CSMD1: variants seen among roughly 807,000 people sequenced by gnomAD.
The protein encoded by CSMD1 is CUB and Sushi multiple domains 1.
CSMD1 carries 213 observed loss-of-function variants against 417.5 expected under a neutral mutation model. The observed-to-expected ratio is 0.51, with a 90% CI of 0.46 to 0.57. CSMD1 has a LOEUF of 0.57. Ranked by LOEUF, CSMD1 falls within the 20% of genes least tolerant of loss-of-function variation. The pLI, the probability that CSMD1 is intolerant of heterozygous loss-of-function variation, is 0.00. For synonymous variants in CSMD1, 2,862 were observed against 1,736.8 expected (o/e 1.65, Z -16.11); for missense variants, 6,923 against 4,529.7 (o/e 1.53, Z -15.17).
chr8:4,490,039 ATTTTT>A (rs67307681), intron 2 of CSMD1, among the ~76,000 whole-genome samples: 3 of 131,286 alleles, frequency 2.3e-5, no homozygotes, highest in African/African-American at 2.9e-5. Context: ...TCAGGTACCA[ATTTTT>A]TTTTTTTTTT....
chr8:3,970,870 G>A (rs1431026567), intron 5 of CSMD1, among the ~76,000 whole-genome samples: 2 of 152,036 alleles, frequency 1.3e-5, no homozygotes, highest in African/African-American at 4.8e-5. Flanking sequence ...TCCTGCCTCA[G>A]CCTCCTGAGT....
chr8:3,955,922 C>G (rs897443422), intron 5 of CSMD1, among the ~76,000 whole-genome samples: 3 of 152,136 alleles, frequency 2.0e-5, no homozygotes, highest in Admixed American at 6.5e-5. Flanking sequence ...CGGGTTAAAG[C>G]AGCTGGGATT....
chr8:3,703,365 T>C (rs552428626), intron 7 of CSMD1, among the ~76,000 whole-genome samples: 1 of 152,048 alleles, frequency 6.6e-6, no homozygotes, highest in Admixed American at 6.6e-5. Context: ...AAAAGACTCA[T>C]CAGATTAGGA....
intron 3 of CSMD1, among the ~76,000 whole-genome samples, chr8:4,316,861 G>GT (rs1419458387): frequency 6.6e-6 from 1 of 151,982 alleles, no homozygotes; most frequent in African/African-American, 2.4e-5. Flanking sequence ...TATTAGTGAT[G>GT]TTTTGTGGTT....
At chr8:4,405,638 T>G (rs1456859436) in intron 3 of CSMD1, among the ~76,000 whole-genome samples, 5 of 152,222 alleles carry the variant, frequency 3.3e-5, no homozygotes, top group Admixed American at 6.5e-5. Context: ...AGGTTTTGCT[T>G]GGCATTGCAT....
intron 6 of CSMD1, among the ~76,000 whole-genome samples, chr8:3,727,994 G>A (rs1000561913): frequency 5.9e-5 from 9 of 152,180 alleles, no homozygotes; most frequent in African/African-American, 2.2e-4. Context: ...GGAAATGCAT[G>A]GTGGTGGAGG....
chr8:3,026,521 T>A (rs761022106), intron 51 of CSMD1, among the ~76,000 whole-genome samples: 1 of 147,988 alleles, frequency 6.8e-6, no homozygotes, highest in African/African-American at 2.5e-5. Context: ...TGGACCTCAC[T>A]CAGCCTCACG....
chr8:4,860,434 C>T (rs1214276908), intron 1 of CSMD1, among the ~76,000 whole-genome samples: 1 of 151,666 alleles, frequency 6.6e-6, no homozygotes, highest in Non-Finnish European at 1.5e-5. Flanking sequence ...GTGTGTGCCA[C>T]TCCACCCTTG....
intron 12 of CSMD1, among the ~76,000 whole-genome samples, chr8:3,452,153 T>C (rs1197434743): frequency 1.3e-5 from 2 of 152,240 alleles, no homozygotes; most frequent in African/African-American, 4.8e-5. Flanking sequence ...TTGTGATTTT[T>C]GCACACTGAT....
chr8:3,444,423 T>G (rs1293298202), intron 12 of CSMD1, among the ~76,000 whole-genome samples: 3 of 152,206 alleles, frequency 2.0e-5, no homozygotes. Flanking sequence ...ATGAGTTCTT[T>G]CCTAACAATA....
At chr8:4,110,153 C>A (rs1801775297) in intron 3 of CSMD1, among the ~76,000 whole-genome samples, 1 of 151,966 alleles carries the variant, frequency 6.6e-6, no homozygotes, top group South Asian at 2.1e-4. Context: ...TTTAAATATG[C>A]AAATCTGCCA....
intron 18 of CSMD1, among the ~76,000 whole-genome samples, chr8:3,376,366 G>A (rs775329264): frequency 3.9e-5 from 6 of 151,936 alleles, no homozygotes; most frequent in Non-Finnish European, 8.8e-5. Flanking sequence ...GGGAAGGAAA[G>A]CATTGATTAT....
intron 3 of CSMD1, among the ~76,000 whole-genome samples, chr8:4,120,835 G>A (rs1171079578): frequency 2.0e-5 from 3 of 152,146 alleles, no homozygotes; most frequent in Non-Finnish European, 4.4e-5. Flanking sequence ...AAACAAAGGA[G>A]GGAGAAGTCT....
intron 3 of CSMD1, among the ~76,000 whole-genome samples, chr8:4,409,919 T>A (rs13248121): frequency 0.025 from 3,858 of 152,190 alleles, 60 homozygotes; most frequent in Middle Eastern, 0.041. Context: ...GTTCAAATGA[T>A]TCTCCTGCCT....
intron 5 of CSMD1, among the ~76,000 whole-genome samples, chr8:3,776,285 A>G (rs2129061092): frequency 6.6e-6 from 1 of 152,162 alleles, no homozygotes; most frequent in South Asian, 2.1e-4. Context: ...TTCTCAGAAC[A>G]CTGTCCAGAG....
At chr8:4,619,560 G>C (rs1801655467) in intron 2 of CSMD1, among the ~76,000 whole-genome samples, 1 of 152,134 alleles carries the variant, frequency 6.6e-6, no homozygotes, top group Non-Finnish European at 1.5e-5. Flanking sequence ...TCTTGCATTA[G>C]TGTTTTGATG....
intron 3 of CSMD1, among the ~76,000 whole-genome samples, chr8:4,272,786 A>G (rs1804687435): frequency 6.6e-6 from 1 of 152,186 alleles, no homozygotes; most frequent in South Asian, 2.1e-4. Flanking sequence ...TTAGTATGAG[A>G]TGACCTTTAC....
chr8:4,717,199 TA>T lies in CSMD1; in HGVS notation c.86-79642del, dbSNP rs1171738643. Reference sequence around the variant, plus strand: ...GTCAGGAGAAAAATTTGATGAGGAGTAACAGTATTAACAGGTTCCAAATACA... The same window carrying T: ...GTCAGGAGAAAAATTTGATGAGGAGTACAGTATTAACAGGTTCCAAATACA... On this transcript the variant is annotated intron_variant, in intron 1 of 69. Transcript: ENST00000635120. Among the ~76,000 whole-genome samples, 3 of 150,658 alleles carry T rather than the reference TA, an allele frequency of 2.0e-5. No homozygotes were observed. The East Asian group carries it at 5.9e-4, about 30-fold the overall frequency.
intron 1 of CSMD1, among the ~76,000 whole-genome samples, chr8:4,831,096 A>G (rs1800123623): frequency 6.6e-6 from 1 of 152,142 alleles, no homozygotes; most frequent in South Asian, 2.1e-4. Flanking sequence ...TGTTTTTTCC[A>G]TTTTACCTAT....
Sources: gnomAD v4.1 joint callset for allele counts (sites outside exome capture counted in the v4.1 genomes callset) on GRCh38, gnomAD v4.1.1 for gene constraint, MANE v1.5 for transcripts, NCBI Gene and HGNC (gene_info 2026-07-23, HGNC 2026-07-21) for gene names.